ZFHX4: variants seen among roughly 807,000 people sequenced by gnomAD.
ZFHX4 encodes the protein zinc finger homeobox protein 4.
A neutral mutation model predicts 267.6 loss-of-function variants in ZFHX4; 56 were observed. The observed-to-expected ratio is 0.21, with a 90% CI of 0.17 to 0.26. The LOEUF (loss-of-function observed/expected upper bound fraction) is 0.26, where lower values mean the gene tolerates loss of function less well. ZFHX4 is among the 10% of genes least tolerant of loss of function. ZFHX4 has a pLI of 1.00. For missense variants in ZFHX4, 4,332 were observed against 4,420.0 expected, an observed-to-expected ratio of 0.98 and a Z score of 0.56; for synonymous variants, 1,778 against 1,665.6, an observed-to-expected ratio of 1.07 and a Z score of -1.64.
intron 1 of ZFHX4, among the ~76,000 whole-genome samples, chr8:76,700,159 A>C (rs1808065882): frequency 6.6e-6 from 1 of 152,054 alleles, no homozygotes; most frequent in Non-Finnish European, 1.5e-5. Context: ...CTAGTTACCA[A>C]ATTATCATGT....
chr8:76,774,935 C>T (rs1308762570), intron 3 of ZFHX4, among the ~76,000 whole-genome samples: 4 of 152,066 alleles, frequency 2.6e-5, no homozygotes, highest in African/African-American at 9.7e-5. Context: ...GTAATAGTGG[C>T]AGCTAATTTT....
At chr8:76,689,403 T>G (rs1807769937) in intron 1 of ZFHX4, among the ~76,000 whole-genome samples, 1 of 152,094 alleles carries the variant, frequency 6.6e-6, no homozygotes, top group Non-Finnish European at 1.5e-5. Context: ...ATATCAAGAT[T>G]TTAGAAATCA....
chr8:76,759,690 A>G (rs961980203), intron 3 of ZFHX4, among the ~76,000 whole-genome samples: 1 of 152,232 alleles, frequency 6.6e-6, no homozygotes, highest in African/African-American at 2.4e-5. Context: ...AACATTAGAT[A>G]TTTTAACCTT....
At chr8:76,839,312 G>A (rs1812175435) in intron 5 of ZFHX4, among the ~76,000 whole-genome samples, 1 of 152,076 alleles carries the variant, frequency 6.6e-6, no homozygotes, top group Admixed American at 6.5e-5. Context: ...TAACTTATAA[G>A]ATCATTTTAG....
chr8:76,835,263 A>ATG, intron 5 of ZFHX4, among the ~76,000 whole-genome samples: 1 of 138,830 alleles, frequency 7.2e-6, no homozygotes, highest in Admixed American at 7.3e-5. Flanking sequence ...ATATATATTC[A>ATG]TACATATATT....
chr8:76,715,438 C>T lies in ZFHX4; in HGVS notation c.3093+7390C>T, dbSNP rs187767200. ...TGGAGGTTGCAGTGAGCCGAGATTG[C>T]GCCACTGCACTCCAGCCTGGGCAAC... On this transcript the variant is annotated intron_variant, in intron 3 of 10. Transcript: ENST00000651372. 2.8e-3 allele frequency among the ~76,000 whole-genome samples: 386 copies of T among 137,840 alleles called. 1 individual carries two copies. Among genetic ancestry groups the T allele is most frequent in the African/African-American group, 1.0e-2 (358 of 35,902 alleles). The allele number at this position is 137,840 out of a possible 152,430, so 90.4% of individuals were successfully genotyped here.
At chr8:76,766,960 C>T (rs1810067249) in intron 3 of ZFHX4, among the ~76,000 whole-genome samples, 1 of 151,930 alleles carries the variant, frequency 6.6e-6, no homozygotes, top group Non-Finnish European at 1.5e-5. Flanking sequence ...TTCCCTAACA[C>T]TCAGTTACTC....
chr8:76,854,607 G>A lies in ZFHX4; in HGVS notation c.7686G>A (p.Gln2562=). 1 of 1,613,610 alleles carries A rather than the reference G, an allele frequency of 6.2e-7. No individual in the cohort carries two copies. The highest frequency in any genetic ancestry group is 8.5e-7 in the Non-Finnish European group (1 of 1,179,840). Residue 2562 remains glutamine, a synonymous_variant, in exon 10 of 11, where the codon CAG becomes CAA. Transcript: ENST00000651372. The part of the protein sequence containing the change: ...LGSSLTQMPP[Q]ASSSHTTAPT... ...GTTCCCTCACTCAAATGCCCCCTCA[G>A]GCCAGTTCCTCCCACACCACAGCCC...
chr8:76,704,976 T>C lies in ZFHX4; in HGVS notation c.888T>C (p.His296=). The C allele has an allele frequency of 1.9e-6, 3 of 1,614,018 alleles. No homozygotes were observed. The highest frequency in any genetic ancestry group is 2.2e-5 in the East Asian group (1 of 44,888). The change falls in exon 2 of 11, where the codon CAT becomes CAC. Residue 296 remains histidine, a synonymous_variant. Coordinates refer to ENST00000651372, the MANE Select transcript of ZFHX4 (RefSeq NM_024721.5). ...SFGYIRSFVT[H]AVHDHRMTLN... is the part of the protein sequence containing the mutation. Reference sequence around the variant, plus strand: ...GTTATATCAGGTCATTTGTAACCCATGCTGTGCATGATCATCGGATGACCC... The same window carrying C: ...GTTATATCAGGTCATTTGTAACCCACGCTGTGCATGATCATCGGATGACCC...
rs200940625 is a variant in ZFHX4 at position 76,865,881 on chromosome 8, TTG to T, written c.*1318_*1319del. The T allele has an allele frequency of 4.8e-4, 73 of 152,710 alleles. No homozygotes were observed. The highest frequency in any genetic ancestry group is 1.7e-3 in the African/African-American group (70 of 41,578). The allele number at this position is 152,710 out of a possible 1,614,324, so 9.5% of individuals were successfully genotyped here. A position where few individuals can be genotyped will look rare whatever the true frequency, so the allele number is the denominator to read the frequency against. ...TGTTACATACTTTTTTTAACCTGTT[TTG>T]TTTTATCATATATGCATTAAAAGTA... On this transcript the variant is annotated 3_prime_UTR_variant, in exon 11 of 11. Transcript: ENST00000651372.
intron 1 of ZFHX4, 93 bp downstream of exon 1, chr8:76,681,713 A>G (rs987289449): frequency 5.6e-6 from 2 of 358,640 alleles, no homozygotes; most frequent in Non-Finnish European, 9.9e-6. Flanking sequence ...ACAATCTTTG[A>G]TATTTCGCTC....
At chr8:76,768,142 G>A (rs1230542619) in intron 3 of ZFHX4, among the ~76,000 whole-genome samples, 7 of 152,106 alleles carry the variant, frequency 4.6e-5, no homozygotes, top group Admixed American at 1.3e-4. Flanking sequence ...GTGAACGAAG[G>A]CATGTAAATA....
rs117717793 is a variant in ZFHX4, at chr8:76,838,067, G to A, written c.3395-4588G>A. Among the ~76,000 whole-genome samples the A allele has an allele frequency of 5.2e-4, 79 of 152,236 alleles. 3 individuals are homozygous for A. The East Asian group carries it at 0.014, about 28-fold the overall frequency. On this transcript the variant is annotated intron_variant, in intron 5 of 10. Transcript: ENST00000651372. ...TGATATTTCCCAAGATGATTTGAAGGAAAAGTGGAATTTACACAGTGAAGA... is the reference window on the plus strand; with the variant it reads ...TGATATTTCCCAAGATGATTTGAAGAAAAAGTGGAATTTACACAGTGAAGA...
chr8:76,688,217 G>C (rs1235940385), intron 1 of ZFHX4, among the ~76,000 whole-genome samples: 8 of 152,146 alleles, frequency 5.3e-5, no homozygotes, highest in Non-Finnish European at 1.2e-4. Context: ...AGAGCCAATA[G>C]TATGGTGTGG....
intron 3 of ZFHX4, among the ~76,000 whole-genome samples, chr8:76,776,296 C>A (rs1810399284): frequency 6.6e-6 from 1 of 152,106 alleles, no homozygotes; most frequent in Admixed American, 6.6e-5. Context: ...AGTTTAATTT[C>A]TCCTCCCTCC....
At chr8:76,846,493 C>T (rs975666322) in intron 6 of ZFHX4, among the ~76,000 whole-genome samples, 1 of 151,970 alleles carries the variant, frequency 6.6e-6, no homozygotes, top group Admixed American at 6.6e-5. Context: ...ATACTATAGC[C>T]AACAGTTGTT....
intron 4 of ZFHX4, among the ~76,000 whole-genome samples, chr8:76,811,287 T>C (rs1811371719): frequency 6.6e-6 from 1 of 152,176 alleles, no homozygotes; most frequent in Admixed American, 6.5e-5. Context: ...ACAGAAAACT[T>C]TTAAAATTAG....
intron 3 of ZFHX4, among the ~76,000 whole-genome samples, chr8:76,714,514 A>G (rs1025684279): frequency 3.3e-5 from 5 of 152,172 alleles, no homozygotes; most frequent in African/African-American, 1.2e-4. Flanking sequence ...TTTGTTTGAA[A>G]GGTGAAGGAC....
chr8:76,798,531 C>CT lies in ZFHX4; in HGVS notation c.3325+20093dup, dbSNP rs140401884. ...GGATAGAATATTTTATCTCAGTTCT[C>CT]TATCACACAGCACTGCATAAAATAA... On this transcript the variant is annotated intron_variant, in intron 4 of 10. Transcript: ENST00000651372. 9.8e-3 allele frequency among the ~76,000 whole-genome samples: 1,491 copies of CT among 152,240 alleles called. 16 individuals carry two copies. The highest frequency in any genetic ancestry group is 0.029 in the African/African-American group (1,191 of 41,538).
Sources: allele counts gnomAD v4.1 joint callset (sites outside exome capture counted in the v4.1 genomes callset), GRCh38; gene constraint gnomAD v4.1.1; transcripts MANE v1.5; gene names NCBI Gene and HGNC (gene_info 2026-07-23, HGNC 2026-07-21).